The following PSD3 variants were observed in gnomAD, a reference collection of about 807,000 sequenced individuals.
PSD3 encodes the protein PH and SEC7 domain-containing protein 3.
Under a neutral mutation model 105.5 loss-of-function variants are expected in PSD3, and 49 were observed. The ratio of observed to expected loss-of-function variants is 0.46; its 90% CI spans 0.37 to 0.59. The LOEUF (loss-of-function observed/expected upper bound fraction) is 0.59. Ranked by LOEUF, PSD3 falls within the 20% of genes least tolerant of loss-of-function variation. The pLI is 0.00. For synonymous variants in PSD3, 557 were observed against 457.8 expected (o/e 1.22, Z -2.77); for missense variants, 1,561 against 1,263.8 (o/e 1.24, Z -3.57).
upstream of PSD3, among the ~76,000 whole-genome samples, chr8:19,015,327 C>T (rs1827146247): frequency 6.6e-6 from 1 of 152,184 alleles, no homozygotes; most frequent in East Asian, 1.9e-4. Context: ...GTCCAATAAA[C>T]CTCTTTCATT....
chr8:18,546,286 C>T (rs941314400), intron 15 of PSD3, among the ~76,000 whole-genome samples: 12 of 152,154 alleles, frequency 7.9e-5, no homozygotes, highest in East Asian at 1.9e-4. Context: ...CGTGAGCCAC[C>T]GTGCCCAGCC....
chr8:18,857,930 A>G (rs928033692), intron 4 of PSD3, among the ~76,000 whole-genome samples: 11 of 152,234 alleles, frequency 7.2e-5, no homozygotes, highest in African/African-American at 2.7e-4. Flanking sequence ...AAGAAACAGC[A>G]TATGAGGTAT....
intron 4 of PSD3, among the ~76,000 whole-genome samples, chr8:18,821,219 T>C (rs984869363): frequency 4.6e-5 from 7 of 151,950 alleles, no homozygotes; most frequent in Non-Finnish European, 8.8e-5. Context: ...TATGGCCAAT[T>C]CCTCAAACAA....
chr8:18,677,778 A>T (rs1800142583), intron 9 of PSD3, among the ~76,000 whole-genome samples: 1 of 152,092 alleles, frequency 6.6e-6, no homozygotes, highest in African/African-American at 2.4e-5. Context: ...GTGGGAGGCG[A>T]GGCGGCCAGA....
In PSD3 at chr8:18,877,436, A is replaced by T. The variant is rs532820918; in HGVS notation, c.131-4703T>A. ...TTGAAAAGACTATTCTTTACCCATCAAAAAGCCTTGGTGCCCATGTCAAAA... is the reference window on the plus strand; with the variant it reads ...TTGAAAAGACTATTCTTTACCCATCTAAAAGCCTTGGTGCCCATGTCAAAA... On this transcript the variant is annotated intron_variant, in intron 2 of 15. Transcript: ENST00000327040. Among the ~76,000 whole-genome samples, 32 of 152,302 alleles carry T rather than the reference A, an allele frequency of 2.1e-4. 3 individuals carry two copies. In the South Asian group the frequency reaches 6.2e-3, roughly 30 times the overall value.
intron 9 of PSD3, among the ~76,000 whole-genome samples, chr8:18,750,575 G>C (rs1216158271): frequency 1.3e-5 from 2 of 152,036 alleles, no homozygotes; most frequent in Non-Finnish European, 2.9e-5. Flanking sequence ...AGTGTGGAAG[G>C]GGACCCGAGT....
chr8:18,799,408 C>T, intron 7 of PSD3, 55 bp from the exon 8 acceptor site: 1 of 1,343,770 alleles, frequency 7.4e-7, no homozygotes, highest in South Asian at 1.2e-5. Flanking sequence ...TGTTGGACTC[C>T]ACCTTATTAT....
chr8:18,638,154 C>CA (rs34328764), intron 10 of PSD3, among the ~76,000 whole-genome samples: 2,138 of 71,656 alleles, frequency 0.03, 71 homozygotes, highest in African/African-American at 0.077. Context: ...GATTCCATCT[C>CA]AAAAAAAAAA....
intron 11 of PSD3, among the ~76,000 whole-genome samples, chr8:18,630,014 T>C (rs1402189990): frequency 1.3e-5 from 2 of 151,748 alleles, no homozygotes; most frequent in African/African-American, 4.8e-5. Flanking sequence ...GATAGCCCCA[T>C]GGAAAAACAG....
chr8:18,544,611 T>C (rs915999291), intron 15 of PSD3, among the ~76,000 whole-genome samples: 2 of 152,180 alleles, frequency 1.3e-5, no homozygotes, highest in Non-Finnish European at 2.9e-5. Context: ...TTCTGCCCTA[T>C]TGCTCTCTAA....
At chr8:18,617,488 A>C (rs1805783976) in intron 11 of PSD3, among the ~76,000 whole-genome samples, 1 of 152,152 alleles carries the variant, frequency 6.6e-6, no homozygotes, top group Non-Finnish European at 1.5e-5. Flanking sequence ...CCGAGATTGC[A>C]CCATTGCACT....
At chr8:18,808,871 G>A (rs1461125440) in intron 4 of PSD3, 16 of 1,595,160 alleles carry the variant, frequency 1.0e-5, no homozygotes, top group South Asian at 4.5e-5. Flanking sequence ...AGTGACTGCC[G>A]AGCCTCACAG....
chr8:18,666,292 C>T (rs1288118525), intron 9 of PSD3, among the ~76,000 whole-genome samples: 1 of 152,208 alleles, frequency 6.6e-6, no homozygotes, highest in Non-Finnish European at 1.5e-5. Context: ...CTCAGGTGAT[C>T]CGCCCGCTTT....
At chr8:18,600,293 A>T in intron 12 of PSD3, 71 bp downstream of exon 12, 2 of 1,326,582 alleles carry the variant, frequency 1.5e-6, no homozygotes, top group Non-Finnish European at 2.1e-6. Flanking sequence ...AGACTACCGT[A>T]CATACATATA....
intron 4 of PSD3, among the ~76,000 whole-genome samples, chr8:18,814,987 A>T (rs1029788763): frequency 1.3e-5 from 2 of 152,228 alleles, no homozygotes; most frequent in African/African-American, 2.4e-5. Flanking sequence ...TTTAGTGTTT[A>T]TGTTAAAGAG....
intron 9 of PSD3, among the ~76,000 whole-genome samples, chr8:18,735,160 T>C (rs1461007436): frequency 1.3e-5 from 2 of 152,104 alleles, no homozygotes; most frequent in Admixed American, 1.3e-4. Flanking sequence ...CCCTAAGTTC[T>C]CTCCTCTGAT....
intron 14 of PSD3, among the ~76,000 whole-genome samples, chr8:18,567,517 C>T (rs1007075445): frequency 1.3e-5 from 2 of 151,950 alleles, no homozygotes; most frequent in African/African-American, 4.8e-5. Flanking sequence ...TACTTATTAC[C>T]CTTAAAAATT....
At chr8:19,063,083 A>G (rs114998864) in intron 1 of PSD3, among the ~76,000 whole-genome samples, 1,611 of 152,352 alleles carry the variant, frequency 0.011, 21 homozygotes, top group African/African-American at 0.037. Context: ...AAACAGCACT[A>G]GTTTCTAACT....
At chr8:18,917,290 C>G (rs1351737935) in intron 2 of PSD3, among the ~76,000 whole-genome samples, 8 of 152,192 alleles carry the variant, frequency 5.3e-5, no homozygotes, top group Admixed American at 5.2e-4. Context: ...CTATCCATTT[C>G]TCCTCTTCCC....
Sources: allele counts gnomAD v4.1 joint callset (sites outside exome capture counted in the v4.1 genomes callset), GRCh38; gene constraint gnomAD v4.1.1; transcripts MANE v1.5; gene names NCBI Gene and HGNC (gene_info 2026-07-23, HGNC 2026-07-21).